The following CNGA1 variants were observed in gnomAD, a reference collection of about 807,000 sequenced individuals.
CNGA1 encodes the protein cyclic nucleotide-gated channel alpha-1.
Under a neutral mutation model 69.7 loss-of-function variants are expected in CNGA1, and 53 were observed. The observed-to-expected ratio is 0.76, with a 90% confidence interval of 0.61 to 0.96. CNGA1 has a LOEUF of 0.96. Among genes scored for constraint, CNGA1 ranks in the 40% least tolerant of loss-of-function variants. CNGA1 has a pLI of 0.00. For synonymous variants in CNGA1, 249 were observed against 283.5 expected (o/e 0.88, Z 1.22); for missense variants, 739 against 811.2 (o/e 0.91, Z 1.08).
intron 3 of CNGA1, among the ~76,000 whole-genome samples, chr4:47,953,298 T>C (rs911217049): frequency 1.3e-5 from 2 of 152,256 alleles, no homozygotes; most frequent in Non-Finnish European, 2.9e-5. Context: ...ACCAGACTTA[T>C]AAAACATTTA....
intron 2 of CNGA1, among the ~76,000 whole-genome samples, chr4:47,983,604 C>A (rs568654401): frequency 8.9e-4 from 133 of 148,638 alleles, no homozygotes; most frequent in South Asian, 3.0e-3. Context: ...ACAACAACAA[C>A]AAAAAAAAAG....
chr4:48,006,458 A>G (rs1714921325), intron 2 of CNGA1, among the ~76,000 whole-genome samples: 1 of 152,202 alleles, frequency 6.6e-6, no homozygotes, highest in African/African-American at 2.4e-5. Flanking sequence ...TTTAGAATAC[A>G]TACCAATAAC....
chr4:47,964,749 A>T (rs1740632696), intron 3 of CNGA1, among the ~76,000 whole-genome samples: 1 of 152,252 alleles, frequency 6.6e-6, no homozygotes, highest in African/African-American at 2.4e-5. Flanking sequence ...CATTAAAATC[A>T]TAGAATAAAT....
chr4:47,955,713 G>C (rs538916771), intron 3 of CNGA1, among the ~76,000 whole-genome samples: 1 of 152,260 alleles, frequency 6.6e-6, no homozygotes, highest in Admixed American at 6.5e-5. Context: ...CTAGGTAATT[G>C]CTTCCTTCTC....
intron 3 of CNGA1, among the ~76,000 whole-genome samples, chr4:47,973,601 A>AAT (rs1449695654): frequency 6.6e-6 from 1 of 152,112 alleles, no homozygotes; most frequent in African/African-American, 2.4e-5. Flanking sequence ...TTTAAAGTAA[A>AAT]ATATATACCT....
At chr4:47,968,190 T>C (rs1740827061) in intron 3 of CNGA1, among the ~76,000 whole-genome samples, 1 of 152,196 alleles carries the variant, frequency 6.6e-6, no homozygotes, top group Non-Finnish European at 1.5e-5. Flanking sequence ...GGATCTTAGA[T>C]AATTATTTGT....
At chr4:47,999,766 G>A (rs1004235664) in intron 2 of CNGA1, among the ~76,000 whole-genome samples, 5 of 152,150 alleles carry the variant, frequency 3.3e-5, no homozygotes, top group African/African-American at 1.2e-4. Flanking sequence ...GGCTACCCAG[G>A]AGGCTGAGGT....
At chr4:47,973,202 GGA>G (rs200134714) in intron 3 of CNGA1, among the ~76,000 whole-genome samples, 3,914 of 151,696 alleles carry the variant, frequency 0.026, 170 homozygotes, top group African/African-American at 0.088. Flanking sequence ...CAAGTACCTG[GGA>G]TTAAAGGCAC....
Position 47,942,225 on chromosome 4 carries a change from T to C in CNGA1, c.438-77A>G. On this transcript the variant is annotated intron_variant, in intron 8 of 10. Transcript: ENST00000514170. ...TTATTTACCATGTTAAACATCGTTATGCCCATCAACCACAATTAATGAAAT... is the reference window on the plus strand; with the variant it reads ...TTATTTACCATGTTAAACATCGTTACGCCCATCAACCACAATTAATGAAAT... 1.3e-5 allele frequency: 12 copies of C among 908,162 alleles called. No individual in the cohort carries two copies. The South Asian group carries it at 1.6e-4, about 12-fold the overall frequency. 56.3% of individuals were successfully genotyped at this position (908,162 alleles called of 1,614,324 possible).
At chr4:48,014,551 C>T (rs1250605673) in intron 1 of CNGA1, among the ~76,000 whole-genome samples, 1 of 152,134 alleles carries the variant, frequency 6.6e-6, no homozygotes, top group African/African-American at 2.4e-5. Context: ...GGGTTAAGAG[C>T]ACATACTTGA....
At chr4:47,972,277 T>C (rs1438564412) in intron 3 of CNGA1, among the ~76,000 whole-genome samples, 1 of 152,222 alleles carries the variant, frequency 6.6e-6, no homozygotes, top group Non-Finnish European at 1.5e-5. Context: ...TTCCTACTAA[T>C]GAAGGATTGG....
chr4:47,999,743 C>T (rs934257887), intron 2 of CNGA1, among the ~76,000 whole-genome samples: 10 of 152,024 alleles, frequency 6.6e-5, no homozygotes, highest in Non-Finnish European at 1.3e-4. Flanking sequence ...TGGTGGCACT[C>T]GCCTGTAGTC....
At chr4:47,949,963 A>G in intron 5 of CNGA1, 68 bp from the exon 6 acceptor site, 1 of 1,457,296 alleles carries the variant, frequency 6.9e-7, no homozygotes, top group Non-Finnish European at 9.6e-7. Context: ...TGGTAGGCAA[A>G]TGGTCTGAAA....
intron 2 of CNGA1, among the ~76,000 whole-genome samples, chr4:48,010,465 G>A (rs545510192): frequency 1.3e-5 from 2 of 152,266 alleles, no homozygotes; most frequent in South Asian, 4.2e-4. Context: ...GTGTTACCAG[G>A]GGTCCTTGCT....
chr4:47,980,905 C>CACTTATTCATCTCTTCAGACT lies in CNGA1; in HGVS notation c.-15+487_-15+488insAGTCTGAAGAGATGAATAAGT, dbSNP rs1447321381. Among the ~76,000 whole-genome samples the CACTTATTCATCTCTTCAGACT allele has an allele frequency of 9.0e-3, 1,365 of 152,234 alleles. 18 individuals carry two copies. Among genetic ancestry groups the CACTTATTCATCTCTTCAGACT allele is most frequent in the African/African-American group, 0.03 (1,250 of 41,514 alleles). On this transcript the variant is annotated intron_variant, in intron 3 of 10. Coordinates refer to ENST00000514170, the MANE Select transcript of CNGA1 (RefSeq NM_001379270.1). ...GGCGAGGCACTTAATCTCTTCAGAC[C>CACTTATTCATCTCTTCAGACT]ACTTATTCATCTCTGAAAGGGGATA...
chr4:48,007,333 C>T (rs911953694), intron 2 of CNGA1, among the ~76,000 whole-genome samples: 2 of 152,128 alleles, frequency 1.3e-5, no homozygotes, highest in African/African-American at 4.8e-5. Flanking sequence ...TTTGACATTA[C>T]TGGTTAATTT....
chr4:47,945,673 T>G (rs538239560), intron 6 of CNGA1, among the ~76,000 whole-genome samples: 9 of 152,198 alleles, frequency 5.9e-5, no homozygotes, highest in Admixed American at 4.6e-4. Context: ...GTGAAATGTA[T>G]GTAATTCTTG....
intron 3 of CNGA1, among the ~76,000 whole-genome samples, chr4:47,969,820 C>A (rs1343703245): frequency 2.0e-5 from 3 of 152,092 alleles, no homozygotes; most frequent in African/African-American, 7.2e-5. Context: ...CTACCATCTT[C>A]CATCATTCCT....
chr4:47,993,762 A>C (rs1742373282), intron 2 of CNGA1, among the ~76,000 whole-genome samples: 2 of 151,514 alleles, frequency 1.3e-5, no homozygotes, highest in Admixed American at 1.3e-4. Context: ...TAGTTCCTTG[A>C]GGTGTGACCT....
Sources: gnomAD v4.1 joint callset for allele counts (sites outside exome capture counted in the v4.1 genomes callset) on GRCh38, gnomAD v4.1.1 for gene constraint, MANE v1.5 for transcripts, NCBI Gene and HGNC (gene_info 2026-07-23, HGNC 2026-07-21) for gene names.